AGO4: variants seen among roughly 807,000 people sequenced by gnomAD.
The protein encoded by AGO4 is argonaute RISC component 4, also known as protein argonaute-4.
Under a neutral mutation model 104.7 loss-of-function variants are expected in AGO4, and 33 were observed. The observed-to-expected ratio is 0.32, with a 90% CI of 0.24 to 0.42. AGO4 has a LOEUF of 0.42. AGO4 is among the 10% of genes least tolerant of loss of function. The pLI is 1.00. For synonymous variants in AGO4, 331 were observed against 364.7 expected (o/e 0.91, Z 1.05); for missense variants, 711 against 1,083.4 (o/e 0.66, Z 4.83).
intron 1 of AGO4, among the ~76,000 whole-genome samples, chr1:35,813,464 A>G (rs1643575119): frequency 6.7e-6 from 1 of 149,672 alleles, no homozygotes; most frequent in Non-Finnish European, 1.5e-5. Flanking sequence ...CTTCATTGAA[A>G]AATAATTGTC....
At chr1:35,811,239 C>T (rs1457122773) in intron 1 of AGO4, among the ~76,000 whole-genome samples, 9 of 148,306 alleles carry the variant, frequency 6.1e-5, no homozygotes, top group Admixed American at 2.0e-4. Flanking sequence ...TCTGGGAGGC[C>T]GAGGTGGGCG....
At chr1:35,848,085 T>C (rs1246028277) in intron 15 of AGO4, among the ~76,000 whole-genome samples, 1 of 152,226 alleles carries the variant, frequency 6.6e-6, no homozygotes, top group East Asian at 1.9e-4. Flanking sequence ...GTAGTTAACC[T>C]TTCTCCTTCA....
At chr1:35,845,300 C>T (rs1290644964) in intron 15 of AGO4, among the ~76,000 whole-genome samples, 3 of 150,438 alleles carry the variant, frequency 2.0e-5, no homozygotes, top group South Asian at 2.1e-4. Flanking sequence ...CTCTGCCTCC[C>T]GGGTTCAAAT....
intron 1 of AGO4, among the ~76,000 whole-genome samples, chr1:35,816,564 G>T (rs1643703167): frequency 6.6e-6 from 1 of 152,070 alleles, no homozygotes; most frequent in Non-Finnish European, 1.5e-5. Context: ...ACTTTGGGAG[G>T]CTGAGGCAGG....
intron 7 of AGO4, among the ~76,000 whole-genome samples, chr1:35,830,193 T>A (rs1271828153): frequency 6.6e-6 from 1 of 151,260 alleles, no homozygotes; most frequent in Non-Finnish European, 1.5e-5. Context: ...GTACTAAGTA[T>A]TTGAGATAAT....
At chr1:35,842,574 G>A (rs1453802256) in intron 15 of AGO4, among the ~76,000 whole-genome samples, 2 of 152,164 alleles carry the variant, frequency 1.3e-5, no homozygotes, top group African/African-American at 2.4e-5. Flanking sequence ...AGGCTGAGGC[G>A]GGCGATCACT....
At chr1:35,823,297 G>T (rs1017083069) in intron 3 of AGO4, among the ~76,000 whole-genome samples, 2 of 149,900 alleles carry the variant, frequency 1.3e-5, no homozygotes, top group Non-Finnish European at 3.0e-5. Flanking sequence ...CTGTCACCCA[G>T]GCTGGAATGC....
At chr1:35,811,530 C>T (rs987891845) in intron 1 of AGO4, among the ~76,000 whole-genome samples, 1 of 151,708 alleles carries the variant, frequency 6.6e-6, no homozygotes, top group Non-Finnish European at 1.5e-5. Context: ...ATGATTATAA[C>T]GTTTACAAAT....
At chr1:35,830,312 T>A (rs767957224) in intron 7 of AGO4, among the ~76,000 whole-genome samples, 4 of 152,168 alleles carry the variant, frequency 2.6e-5, no homozygotes, top group Non-Finnish European at 4.4e-5. Flanking sequence ...ATGTATTTGT[T>A]CTAGTTTTAG....
chr1:35,822,726 C>T lies in AGO4; in HGVS notation c.186-136C>T, dbSNP rs1045482966. On this transcript the variant is annotated intron_variant, in intron 2 of 17. Coordinates refer to ENST00000373210, the MANE Select transcript of AGO4 (RefSeq NM_017629.4). Reference sequence around the variant, plus strand: ...TTAGTTAACTATTTTTTAAAGTACTCGAATCAATTGTAACCTTAACTCTTA... The same window carrying T: ...TTAGTTAACTATTTTTTAAAGTACTTGAATCAATTGTAACCTTAACTCTTA... 6.5e-6 allele frequency: 7 copies of T among 1,077,934 alleles called. No individual in the cohort carries two copies. In the African/African-American group the frequency reaches 1.1e-4, roughly 17 times the overall value. 66.8% of individuals were successfully genotyped at this position (1,077,934 alleles called of 1,614,324 possible).
chr1:35,814,756 A>G (rs1275670960), intron 1 of AGO4, among the ~76,000 whole-genome samples: 1 of 152,166 alleles, frequency 6.6e-6, no homozygotes, highest in African/African-American at 2.4e-5. Flanking sequence ...TAGTGGGAAA[A>G]TGAATAATTA....
At chr1:35,809,340 GT>G (rs1026063636) in intron 1 of AGO4, among the ~76,000 whole-genome samples, 12 of 152,302 alleles carry the variant, frequency 7.9e-5, no homozygotes, top group African/African-American at 2.4e-4. Context: ...GTAGCTCAGT[GT>G]TTAGGGGCTG....
intron 17 of AGO4, among the ~76,000 whole-genome samples, chr1:35,853,109 G>A (rs920788120): frequency 6.6e-6 from 1 of 152,020 alleles, no homozygotes; most frequent in Admixed American, 6.6e-5. Flanking sequence ...AAATCAGCCG[G>A]GTGTGGTGGC....
At chr1:35,809,658 C>T (rs372644097) in intron 1 of AGO4, among the ~76,000 whole-genome samples, 29 of 152,242 alleles carry the variant, frequency 1.9e-4, no homozygotes, top group African/African-American at 6.7e-4. Flanking sequence ...GATATGTCCC[C>T]TGGCTAAAGA....
At position 35,833,928 on chromosome 1, in the gene AGO4, A is replaced by G. The variant is rs576139778; in HGVS notation, c.1380-62A>G. 2.6e-5 allele frequency: 33 copies of G among 1,282,126 alleles called. No individual in the cohort carries two copies. In the African/African-American group the frequency reaches 4.9e-4, roughly 19 times the overall value. The allele number at this position is 1,282,126 out of a possible 1,614,324, so 79.4% of individuals were successfully genotyped here. The stretch of plus-strand genomic sequence containing the variant: ...AACTGAAGGAAGTATTTCAGAGGAA[A>G]ATGAATGCTAGAAATGTACTCTGAA... On this transcript the variant is annotated intron_variant, in intron 11 of 17. Transcript: ENST00000373210.
At chr1:35,816,816 A>AAAG (rs1557550478) in intron 1 of AGO4, 66 bp from the exon 2 acceptor site, 185 of 1,178,710 alleles carry the variant, frequency 1.6e-4, no homozygotes, top group South Asian at 2.4e-4. Flanking sequence ...AAAAAAAAAA[A>AAAG]AAAAAGAAAG....
chr1:35,828,248 G>A (rs1395638509), intron 7 of AGO4, among the ~76,000 whole-genome samples: 1 of 152,102 alleles, frequency 6.6e-6, no homozygotes, highest in Non-Finnish European at 1.5e-5. Context: ...TCAGCTTCCT[G>A]GGCTCAAGCA....
chr1:35,842,863 T>A lies in AGO4; in HGVS notation c.2175+1113T>A, dbSNP rs374501562. On this transcript the variant is annotated intron_variant, in intron 15 of 17. Transcript: ENST00000373210. ...ATCCCCAGGCATTTCAGGTAGAGAA[T>A]GCCCAACCTATATTATTAATAGATA... is the stretch of plus-strand genomic sequence containing the variant. Among the ~76,000 whole-genome samples, 20 of 152,314 alleles carry A rather than the reference T, an allele frequency of 1.3e-4. No homozygotes were observed. The East Asian group carries it at 1.5e-3, about 12-fold the overall frequency.
intron 12 of AGO4, among the ~76,000 whole-genome samples, chr1:35,834,711 A>G (rs750003832): frequency 6.7e-6 from 1 of 149,852 alleles, no homozygotes; most frequent in Non-Finnish European, 1.5e-5. Context: ...ATTATTGTTG[A>G]TGAGACAGAA....
Sources: allele counts gnomAD v4.1 joint callset (sites outside exome capture counted in the v4.1 genomes callset), GRCh38; gene constraint gnomAD v4.1.1; transcripts MANE v1.5; gene names NCBI Gene and HGNC (gene_info 2026-07-23, HGNC 2026-07-21).